The following SHANK2 variants were observed in gnomAD, a reference collection of about 807,000 sequenced individuals.
SHANK2 encodes the protein SH3 and multiple ankyrin repeat domains 2, also known as SH3 and multiple ankyrin repeat domains protein 2.
A neutral mutation model predicts 133.7 loss-of-function variants in SHANK2; 43 were observed. The ratio of observed to expected loss-of-function variants is 0.32; its 90% confidence interval spans 0.25 to 0.41. The LOEUF (loss-of-function observed/expected upper bound fraction) is 0.41. Among genes scored for constraint, SHANK2 ranks in the 10% least tolerant of loss-of-function variants. The probability of loss-of-function intolerance (pLI) is 1.00; values close to 1 mark genes in which losing one functional copy is unlikely to be tolerated. For synonymous variants in SHANK2, 1,017 were observed against 952.8 expected (o/e 1.07, Z -1.24); for missense variants, 1,994 against 2,235.8 (o/e 0.89, Z 2.18).
At chr11:70,937,674 T>A (rs1950590236) in intron 10 of SHANK2, among the ~76,000 whole-genome samples, 1 of 151,936 alleles carries the variant, frequency 6.6e-6, no homozygotes, top group Admixed American at 6.6e-5. Flanking sequence ...TTATAGTGTG[T>A]GTGCGTGCAT....
chr11:71,065,438 G>A (rs1951038636), intron 9 of SHANK2, among the ~76,000 whole-genome samples: 1 of 119,724 alleles, frequency 8.4e-6, no homozygotes, highest in Non-Finnish European at 1.7e-5. Flanking sequence ...CCAGGGAGAT[G>A]AGCAGTGAGT....
chr11:71,062,190 A>G (rs1950996354), intron 9 of SHANK2, among the ~76,000 whole-genome samples: 1 of 152,066 alleles, frequency 6.6e-6, no homozygotes, highest in African/African-American at 2.4e-5. Flanking sequence ...TCCTGGGCTC[A>G]AGCAATCTGT....
chr11:70,607,790 C>T (rs2060599110), intron 17 of SHANK2, among the ~76,000 whole-genome samples: 1 of 152,252 alleles, frequency 6.6e-6, no homozygotes, highest in African/African-American at 2.4e-5. Flanking sequence ...TAATGCCAGC[C>T]TGGCTGGCCA....
At chr11:71,145,897 T>C (rs1387493045) in intron 3 of SHANK2, among the ~76,000 whole-genome samples, 4 of 152,064 alleles carry the variant, frequency 2.6e-5, no homozygotes, top group African/African-American at 9.7e-5. Flanking sequence ...CCCCATTCCT[T>C]TAACCCAAAG....
intron 17 of SHANK2, among the ~76,000 whole-genome samples, chr11:70,638,999 A>G (rs1555005312): frequency 6.6e-6 from 1 of 151,780 alleles, no homozygotes; most frequent in Non-Finnish European, 1.5e-5. Context: ...CTCCATCTCA[A>G]AAAAACAAAA....
chr11:70,489,544 C>T (rs2058856672), intron 23 of SHANK2, 196 bp from the exon 24 acceptor site: 2 of 644,488 alleles, frequency 3.1e-6, no homozygotes, highest in South Asian at 1.7e-5. Flanking sequence ...AGCCCAGAGG[C>T]ATTTCCAGAA....
chr11:71,156,168 A>G (rs1952903613), intron 2 of SHANK2, among the ~76,000 whole-genome samples: 1 of 152,198 alleles, frequency 6.6e-6, no homozygotes, highest in South Asian at 2.1e-4. Context: ...GAGACCATCA[A>G]TGTCTGTCGT....
intron 17 of SHANK2, among the ~76,000 whole-genome samples, chr11:70,519,905 ATTT>A (rs781977357): frequency 6.6e-5 from 8 of 121,432 alleles, no homozygotes; most frequent in Admixed American, 1.7e-4. Flanking sequence ...ACCATGCCTA[ATTT>A]TTTTTTTTTT....
intron 21 of SHANK2, among the ~76,000 whole-genome samples, chr11:70,496,130 C>T (rs1175500524): frequency 6.6e-6 from 1 of 152,138 alleles, no homozygotes; most frequent in Non-Finnish European, 1.5e-5. Context: ...GGCCTGGGCG[C>T]AGGTGGGTGT....
At chr11:71,066,282 T>G (rs1451912745) in intron 9 of SHANK2, among the ~76,000 whole-genome samples, 3 of 37,392 alleles carry the variant, frequency 8.0e-5, no homozygotes, top group African/African-American at 3.4e-4. Context: ...CCCACGAAGA[T>G]GAGCAGAGAG....
chr11:71,102,416 C>T (rs1325407648), intron 6 of SHANK2, among the ~76,000 whole-genome samples: 2 of 152,272 alleles, frequency 1.3e-5, no homozygotes, highest in East Asian at 3.9e-4. Context: ...GGCTGCTTCC[C>T]TCCGCTCCGG....
chr11:71,098,752 C>T (rs747075395), intron 6 of SHANK2, among the ~76,000 whole-genome samples: 3 of 152,112 alleles, frequency 2.0e-5, no homozygotes, highest in Non-Finnish European at 2.9e-5. Context: ...AGGAAGGGGC[C>T]GATCTTGCAA....
At chr11:70,953,044 C>T (rs868932332) in intron 10 of SHANK2, among the ~76,000 whole-genome samples, 19 of 152,092 alleles carry the variant, frequency 1.2e-4, no homozygotes, top group African/African-American at 4.1e-4. Context: ...TCCACCTTCA[C>T]GCAGCCTCCT....
chr11:70,517,998 T>C (rs536771238), intron 17 of SHANK2, among the ~76,000 whole-genome samples: 1 of 152,278 alleles, frequency 6.6e-6, no homozygotes, highest in Admixed American at 6.5e-5. Flanking sequence ...CACTCATTTT[T>C]CCCCATAAAC....
chr11:70,730,826 C>CTTTTTTTTTT (rs34081906), intron 14 of SHANK2, among the ~76,000 whole-genome samples: 2 of 127,394 alleles, frequency 1.6e-5, no homozygotes, highest in Non-Finnish European at 1.6e-5. Flanking sequence ...TTTTTTATTT[C>CTTTTTTTTTT]TTTTTTTTTT....
At chr11:70,478,451 C>A (rs781988593) in intron 25 of SHANK2, among the ~76,000 whole-genome samples, 1 of 152,224 alleles carries the variant, frequency 6.6e-6, no homozygotes, top group African/African-American at 2.4e-5. Context: ...GCACACCGCA[C>A]GCCTCTGCAT....
At chr11:71,224,187 G>T (rs1361370169) in intron 2 of SHANK2, among the ~76,000 whole-genome samples, 2 of 152,212 alleles carry the variant, frequency 1.3e-5, no homozygotes, top group African/African-American at 4.8e-5. Flanking sequence ...GGCAGACGGG[G>T]CCTTTAAGCA....
At chr11:70,528,289 G>A (rs1554972522) in intron 17 of SHANK2, among the ~76,000 whole-genome samples, 7 of 152,170 alleles carry the variant, frequency 4.6e-5, no homozygotes, top group Non-Finnish European at 1.0e-4. Context: ...CCTAGTATCC[G>A]GTGGAAGCAG....
At chr11:70,840,040 T>C (rs891149179) in intron 11 of SHANK2, among the ~76,000 whole-genome samples, 1 of 152,182 alleles carries the variant, frequency 6.6e-6, no homozygotes, top group Non-Finnish European at 1.5e-5. Context: ...TATGCAGCCC[T>C]GGGGCTGAAG....
Sources: allele counts gnomAD v4.1 joint callset (sites outside exome capture counted in the v4.1 genomes callset), GRCh38; gene constraint gnomAD v4.1.1; transcripts MANE v1.5; gene names NCBI Gene and HGNC (gene_info 2026-07-23, HGNC 2026-07-21).